Variants in DPP10 observed in about 807,000 individuals in gnomAD.
DPP10 encodes the protein inactive dipeptidyl peptidase 10.
A neutral mutation model predicts 120.9 loss-of-function variants in DPP10; 33 were observed. The observed-to-expected ratio is 0.27, with a 90% CI of 0.21 to 0.37. DPP10 has a LOEUF of 0.37. Among genes scored for constraint, DPP10 ranks in the 10% least tolerant of loss-of-function variants. DPP10 has a pLI of 1.00. For synonymous variants in DPP10, 337 were observed against 326.1 expected, an observed-to-expected ratio of 1.03 and a Z score of -0.36; for missense variants, 816 against 942.8, an observed-to-expected ratio of 0.87 and a Z score of 1.76.
intron 1 of DPP10, among the ~76,000 whole-genome samples, chr2:115,246,780 A>G (rs1198121460): frequency 1.3e-5 from 2 of 152,172 alleles, no homozygotes; most frequent in African/African-American, 4.8e-5. Flanking sequence ...TTATTATACA[A>G]TGCTACATAT....
At chr2:115,019,038 C>T (rs915028505) in intron 1 of DPP10, among the ~76,000 whole-genome samples, 7 of 151,694 alleles carry the variant, frequency 4.6e-5, no homozygotes, top group African/African-American at 1.5e-4. Flanking sequence ...GGGCAGAGAC[C>T]CAGCACCCAC....
chr2:115,562,261 G>A (rs1391979176), intron 5 of DPP10, among the ~76,000 whole-genome samples: 1 of 152,018 alleles, frequency 6.6e-6, no homozygotes, highest in Non-Finnish European at 1.5e-5. Flanking sequence ...ATTCTGGCTC[G>A]CTCTTTCTCT....
At chr2:114,519,693 AG>A (rs1196600215) in intron 1 of DPP10, among the ~76,000 whole-genome samples, 2 of 152,228 alleles carry the variant, frequency 1.3e-5, no homozygotes, top group Non-Finnish European at 2.9e-5. Flanking sequence ...CTCAAACAAC[AG>A]CAAATGTTCT....
At chr2:115,731,742 T>G (rs2092916119) in intron 8 of DPP10, among the ~76,000 whole-genome samples, 1 of 152,176 alleles carries the variant, frequency 6.6e-6, no homozygotes, top group Non-Finnish European at 1.5e-5. Flanking sequence ...ATTGTCAGAC[T>G]TCAGTGATCT....
chr2:115,526,189 C>A, intron 5 of DPP10: 1 of 449,432 alleles, frequency 2.2e-6, no homozygotes, highest in South Asian at 3.6e-5. Context: ...TTGCCCAGTG[C>A]CTGTGCTGAT....
intron 3 of DPP10, among the ~76,000 whole-genome samples, chr2:115,470,092 T>G (rs1261845251): frequency 6.6e-6 from 1 of 152,136 alleles, no homozygotes; most frequent in African/African-American, 2.4e-5. Flanking sequence ...TTTCAAAATA[T>G]GAATTTGGTT....
chr2:114,465,885 C>T (rs1053329104), intron 1 of DPP10, among the ~76,000 whole-genome samples: 1 of 152,094 alleles, frequency 6.6e-6, no homozygotes, highest in African/African-American at 2.4e-5. Flanking sequence ...TGAAAACATA[C>T]AAGAAATGTT....
At chr2:114,783,859 T>G (rs1172386248) in intron 1 of DPP10, among the ~76,000 whole-genome samples, 4 of 151,838 alleles carry the variant, frequency 2.6e-5, no homozygotes, top group African/African-American at 9.7e-5. Context: ...CCTATATATA[T>G]TCCCCATCCT....
chr2:114,977,483 T>G (rs1019390095), intron 1 of DPP10, among the ~76,000 whole-genome samples: 1 of 152,184 alleles, frequency 6.6e-6, no homozygotes, highest in Non-Finnish European at 1.5e-5. Flanking sequence ...AGCTTTATCT[T>G]GGATAAAGCT....
chr2:115,018,934 C>A (rs1179972466), intron 1 of DPP10, among the ~76,000 whole-genome samples: 1 of 151,894 alleles, frequency 6.6e-6, no homozygotes, highest in African/African-American at 2.4e-5. Flanking sequence ...CCTGAGCAGC[C>A]CCACTTCTGC....
intron 4 of DPP10, among the ~76,000 whole-genome samples, chr2:115,525,183 T>G (rs1257289932): frequency 6.6e-6 from 1 of 152,172 alleles, no homozygotes; most frequent in African/African-American, 2.4e-5. Flanking sequence ...TTTTCACACA[T>G]CAACTCAATG....
At chr2:115,000,970 G>A (rs562119510) in intron 1 of DPP10, among the ~76,000 whole-genome samples, 14 of 152,208 alleles carry the variant, frequency 9.2e-5, no homozygotes, top group South Asian at 2.1e-4. Context: ...AAAACAATAC[G>A]TATATCAGAT....
At chr2:115,550,572 C>T (rs922224659) in intron 5 of DPP10, among the ~76,000 whole-genome samples, 16 of 152,238 alleles carry the variant, frequency 1.1e-4, no homozygotes, top group South Asian at 8.3e-4. Flanking sequence ...AACTGACCCT[C>T]GTTCTTAGTT....
intron 10 of DPP10, among the ~76,000 whole-genome samples, chr2:115,746,770 G>T (rs1022951377): frequency 2.6e-5 from 4 of 152,084 alleles, no homozygotes; most frequent in African/African-American, 9.7e-5. Context: ...AAATAATCAT[G>T]TGTATTTTGA....
At chr2:114,600,560 A>G (rs937036741) in intron 1 of DPP10, among the ~76,000 whole-genome samples, 1 of 151,828 alleles carries the variant, frequency 6.6e-6, no homozygotes, top group Admixed American at 6.6e-5. Context: ...TTGGTTATGA[A>G]AGAAATCAAG....
intron 5 of DPP10, among the ~76,000 whole-genome samples, chr2:115,582,284 G>GA (rs529741575): frequency 8.3e-4 from 107 of 129,284 alleles, no homozygotes; most frequent in African/African-American, 2.7e-3. Context: ...TGATCACTTG[G>GA]CATTTTTCCC....
chr2:115,134,721 G>T (rs953974153), intron 1 of DPP10, among the ~76,000 whole-genome samples: 1 of 152,042 alleles, frequency 6.6e-6, no homozygotes, highest in East Asian at 1.9e-4. Context: ...AGGGTCAGGG[G>T]TAAGTGCATT....
chr2:115,100,215 C>T (rs2104613979), intron 1 of DPP10, among the ~76,000 whole-genome samples: 1 of 152,230 alleles, frequency 6.6e-6, no homozygotes, highest in South Asian at 2.1e-4. Flanking sequence ...GAGGCCAAGG[C>T]AAGAGGATCA....
chr2:115,165,070 A>G (rs1000577966), intron 1 of DPP10, among the ~76,000 whole-genome samples: 4 of 152,252 alleles, frequency 2.6e-5, no homozygotes, highest in Non-Finnish European at 2.9e-5. Context: ...AACATGATCA[A>G]TATCTCAATT....
Sources: allele counts gnomAD v4.1 joint callset (sites outside exome capture counted in the v4.1 genomes callset), GRCh38; gene constraint gnomAD v4.1.1; transcripts MANE v1.5; gene names NCBI Gene and HGNC (gene_info 2026-07-23, HGNC 2026-07-21).